HSPBAP1: variants seen among roughly 807,000 people sequenced by gnomAD.
The protein encoded by HSPBAP1 is HSPB1-associated protein 1.
HSPBAP1 carries 27 observed loss-of-function variants against 45.2 expected under a neutral mutation model. That is an observed-to-expected ratio of 0.60 (90% CI 0.44 to 0.82). The LOEUF is 0.82. HSPBAP1 is among the 40% of genes least tolerant of loss of function. The pLI is 0.00. For missense variants in HSPBAP1, 510 were observed against 590.9 expected, an observed-to-expected ratio of 0.86 and a Z score of 1.42; for synonymous variants, 204 against 202.7, an observed-to-expected ratio of 1.01 and a Z score of -0.06.
intron 3 of HSPBAP1, among the ~76,000 whole-genome samples, chr3:122,766,098 C>A (rs557236442): frequency 1.3e-5 from 2 of 152,184 alleles, no homozygotes; most frequent in Non-Finnish European, 2.9e-5. Flanking sequence ...TACAGCCAGA[C>A]ATCAAGAAGA....
chr3:122,746,705 C>G (rs961703818), intron 6 of HSPBAP1, among the ~76,000 whole-genome samples: 3 of 151,802 alleles, frequency 2.0e-5, no homozygotes, highest in Non-Finnish European at 2.9e-5. Context: ...GATGCCGAGC[C>G]GAAGCTGGAC....
At chr3:122,786,132 C>A (rs1027117017) in intron 1 of HSPBAP1, among the ~76,000 whole-genome samples, 11 of 150,898 alleles carry the variant, frequency 7.3e-5, no homozygotes, top group Non-Finnish European at 1.3e-4. Flanking sequence ...AAAAAAAAAA[C>A]AAAATTCCTT....
At chr3:122,756,190 G>T (rs936337569) in intron 4 of HSPBAP1, among the ~76,000 whole-genome samples, 1 of 152,102 alleles carries the variant, frequency 6.6e-6, no homozygotes, top group African/African-American at 2.4e-5. Context: ...AGAGAAAAGA[G>T]GGAAAAACCT....
intron 2 of HSPBAP1, among the ~76,000 whole-genome samples, chr3:122,769,173 T>C (rs1934894473): frequency 6.6e-6 from 1 of 152,200 alleles, no homozygotes; most frequent in South Asian, 2.1e-4. Flanking sequence ...GTACTTGTTA[T>C]ATAATGAGTG....
chr3:122,775,146 A>G (rs1935146597), intron 2 of HSPBAP1, among the ~76,000 whole-genome samples: 1 of 152,132 alleles, frequency 6.6e-6, no homozygotes, highest in South Asian at 2.1e-4. Flanking sequence ...TGTGAAAATT[A>G]ATATAACTTT....
intron 2 of HSPBAP1, among the ~76,000 whole-genome samples, chr3:122,775,191 C>T (rs1935148134): frequency 6.6e-6 from 1 of 150,666 alleles, no homozygotes; most frequent in Non-Finnish European, 1.5e-5. Flanking sequence ...CATGGGCATA[C>T]CTCAAAATAT....
chr3:122,767,356 T>C (rs775220454), intron 3 of HSPBAP1, among the ~76,000 whole-genome samples: 5 of 152,156 alleles, frequency 3.3e-5, no homozygotes, highest in Non-Finnish European at 5.9e-5. Context: ...CTGGCCAACA[T>C]GGTAAAACCC....
At chr3:122,793,174 G>A (rs1454401416) in intron 1 of HSPBAP1, among the ~76,000 whole-genome samples, 2 of 152,172 alleles carry the variant, frequency 1.3e-5, no homozygotes, top group African/African-American at 4.8e-5. Context: ...AGGCTCATGG[G>A]CCTCCAAACC....
At position 122,740,893 on chromosome 3, in the gene HSPBAP1, C is replaced by G. The variant is rs1470699516; in HGVS notation, c.937-18G>C. 1.9e-6 allele frequency: 3 copies of G among 1,611,700 alleles called. No individual in the cohort carries two copies. The highest frequency in any genetic ancestry group is 2.5e-6 in the Non-Finnish European group (3 of 1,178,636). On this transcript the variant is annotated intron_variant, in intron 7 of 7. Coordinates refer to ENST00000306103, the MANE Select transcript of HSPBAP1 (RefSeq NM_024610.6). ...TCCTCAACCTAAGGGAAGAGAAAAACCTTTTAAAATGGTTACATACATTTA... is the reference window on the plus strand; with the variant it reads ...TCCTCAACCTAAGGGAAGAGAAAAAGCTTTTAAAATGGTTACATACATTTA...
intron 2 of HSPBAP1, among the ~76,000 whole-genome samples, chr3:122,772,577 T>G (rs1474255504): frequency 6.6e-6 from 1 of 151,952 alleles, no homozygotes; most frequent in Non-Finnish European, 1.5e-5. Context: ...ATTTCCAAAT[T>G]TAGCTATTTG....
At chr3:122,785,082 A>AAATAG in intron 1 of HSPBAP1, among the ~76,000 whole-genome samples, 1 of 152,198 alleles carries the variant, frequency 6.6e-6, no homozygotes, top group African/African-American at 2.4e-5. Context: ...ATTTCTAGAG[A>AAATAG]ATTGACTGTG....
chr3:122,748,805 A>G (rs1199150589), intron 6 of HSPBAP1, among the ~76,000 whole-genome samples: 1 of 152,246 alleles, frequency 6.6e-6, no homozygotes, highest in Non-Finnish European at 1.5e-5. Context: ...CAGTGGCATT[A>G]TTTGTAATTA....
chr3:122,777,916 GA>G lies in HSPBAP1; in HGVS notation c.65-11del. 1 of 1,595,536 alleles carries G rather than the reference GA, an allele frequency of 6.3e-7. No homozygotes were observed. The highest frequency in any genetic ancestry group is 8.6e-7 in the Non-Finnish European group (1 of 1,164,376). On this transcript the variant is annotated splice_polypyrimidine_tract_variant and intron_variant, in intron 1 of 7. Coordinates refer to ENST00000306103, the MANE Select transcript of HSPBAP1 (RefSeq NM_024610.6). ...GGTTTGACATGTTCACCTAGAAAGA[GA>G]AATGAATACAGCAATAGATAGAAAA...
chr3:122,779,988 T>C (rs972594088), intron 1 of HSPBAP1, among the ~76,000 whole-genome samples: 2 of 152,116 alleles, frequency 1.3e-5, no homozygotes, highest in African/African-American at 4.8e-5. Flanking sequence ...AAAACCGCCA[T>C]TGTCATCATG....
At chr3:122,789,412 A>G (rs949609887) in intron 1 of HSPBAP1, among the ~76,000 whole-genome samples, 2 of 152,224 alleles carry the variant, frequency 1.3e-5, no homozygotes, top group African/African-American at 2.4e-5. Context: ...TTTTAATTTC[A>G]CTGAATGCTT....
At chr3:122,751,664 G>A (rs1482013830) in intron 6 of HSPBAP1, among the ~76,000 whole-genome samples, 1 of 152,178 alleles carries the variant, frequency 6.6e-6, no homozygotes, top group East Asian at 1.9e-4. Flanking sequence ...TTTGGCATTG[G>A]GAGTGGAAGT....
intron 3 of HSPBAP1, among the ~76,000 whole-genome samples, chr3:122,762,462 G>C (rs73856706): frequency 0.025 from 3,819 of 152,170 alleles, 153 homozygotes; most frequent in African/African-American, 0.084. Flanking sequence ...TTAATGCACT[G>C]TCAGACGGCA....
intron 6 of HSPBAP1, among the ~76,000 whole-genome samples, chr3:122,746,315 A>C (rs1933847926): frequency 6.7e-6 from 1 of 150,372 alleles, no homozygotes; most frequent in Admixed American, 6.6e-5. Flanking sequence ...TTTTTTTCCT[A>C]AAGCTAGACA....
At chr3:122,741,417 T>A (rs926258957) in intron 6 of HSPBAP1, 8 of 267,250 alleles carry the variant, frequency 3.0e-5, no homozygotes, top group South Asian at 1.2e-4. Flanking sequence ...ATGTTTAAAG[T>A]TTTTTTTTTA....
Sources: allele counts gnomAD v4.1 joint callset (sites outside exome capture counted in the v4.1 genomes callset), GRCh38; gene constraint gnomAD v4.1.1; transcripts MANE v1.5; gene names NCBI Gene and HGNC (gene_info 2026-07-23, HGNC 2026-07-21).